The following C8orf34 variants were observed in gnomAD, a reference collection of about 807,000 sequenced individuals.
C8orf34 encodes the protein uncharacterized protein C8orf34.
A neutral mutation model predicts 68.3 loss-of-function variants in C8orf34; 65 were observed. That is an observed-to-expected ratio of 0.95 (90% confidence interval 0.78 to 1.17). The LOEUF is 1.17. C8orf34 is among the 50% of genes most tolerant of loss of function. The probability of loss-of-function intolerance (pLI) is 0.00; values close to 1 mark genes in which losing one functional copy is unlikely to be tolerated. For synonymous variants in C8orf34, 244 were observed against 241.2 expected, an observed-to-expected ratio of 1.01 and a Z score of -0.11; for missense variants, 664 against 655.4, an observed-to-expected ratio of 1.01 and a Z score of -0.14.
intron 7 of C8orf34, among the ~76,000 whole-genome samples, chr8:68,572,969 A>G (rs1371852018): frequency 6.6e-6 from 1 of 152,092 alleles, no homozygotes; most frequent in African/African-American, 2.4e-5. Context: ...CAGCTCTTCA[A>G]ATACTTGAGT....
chr8:68,816,579 C>T (rs1449683685), intron 13 of C8orf34, among the ~76,000 whole-genome samples: 1 of 152,098 alleles, frequency 6.6e-6, no homozygotes, highest in African/African-American at 2.4e-5. Flanking sequence ...CTGCAATACC[C>T]CTACCAAATG....
At chr8:68,781,546 T>C (rs1823680329) in intron 11 of C8orf34, among the ~76,000 whole-genome samples, 1 of 152,218 alleles carries the variant, frequency 6.6e-6, no homozygotes, top group Non-Finnish European at 1.5e-5. Context: ...TATATCTGAA[T>C]AAGTTGGCAA....
intron 7 of C8orf34, chr8:68,533,574 A>G (rs1247468543): frequency 1.0e-6 from 1 of 986,050 alleles, no homozygotes; most frequent in African/African-American, 1.7e-5. Context: ...TTAGAAAAAT[A>G]GAATAAAGTT....
intron 1 of C8orf34, among the ~76,000 whole-genome samples, chr8:68,391,807 C>T (rs1325058724): frequency 9.9e-5 from 15 of 152,124 alleles, no homozygotes; most frequent in Non-Finnish European, 1.5e-4. Flanking sequence ...TATGACAGAT[C>T]GTGCTCTGGC....
chr8:68,533,935 A>C (rs59050152), intron 7 of C8orf34: 121,199 of 846,338 alleles, frequency 0.14, 9,575 homozygotes, highest in African/African-American at 0.3. Context: ...ACTTTATAAC[A>C]ATATGCTGTT....
At chr8:68,641,558 T>C (rs1255845662) in intron 8 of C8orf34, among the ~76,000 whole-genome samples, 2 of 152,182 alleles carry the variant, frequency 1.3e-5, no homozygotes, top group Non-Finnish European at 2.9e-5. Context: ...TATGTGATAA[T>C]ATTTAAGCAT....
intron 1 of C8orf34, among the ~76,000 whole-genome samples, chr8:68,333,034 T>C (rs1805697949): frequency 1.3e-5 from 2 of 152,180 alleles, no homozygotes; most frequent in Admixed American, 1.3e-4. Context: ...TCTACTCTCC[T>C]GGAGTATAAA....
intron 5 of C8orf34, among the ~76,000 whole-genome samples, chr8:68,489,223 A>G (rs2129631682): frequency 6.6e-6 from 1 of 152,326 alleles, no homozygotes; most frequent in East Asian, 1.9e-4. Context: ...TCAGATGTGT[A>G]GCTGGAAAGA....
chr8:68,658,501 C>T (rs1005636833), intron 8 of C8orf34, among the ~76,000 whole-genome samples: 5 of 152,092 alleles, frequency 3.3e-5, no homozygotes, highest in South Asian at 2.1e-4. Context: ...TTAATGTAAG[C>T]GCAGCAAAAT....
intron 10 of C8orf34, among the ~76,000 whole-genome samples, chr8:68,734,611 G>A (rs139712678): frequency 5.0e-4 from 76 of 152,182 alleles, no homozygotes; most frequent in Non-Finnish European, 9.9e-4. Flanking sequence ...CCACCTCATT[G>A]CCATTATTGT....
chr8:68,336,649 C>T (rs1805863556), intron 1 of C8orf34, among the ~76,000 whole-genome samples: 1 of 152,170 alleles, frequency 6.6e-6, no homozygotes, highest in Non-Finnish European at 1.5e-5. Flanking sequence ...ACTCTGTCTA[C>T]TGGAAGGGCC....
At chr8:68,650,498 G>A (rs1439143468) in intron 8 of C8orf34, among the ~76,000 whole-genome samples, 1 of 40,818 alleles carries the variant, frequency 2.4e-5, no homozygotes, top group Non-Finnish European at 4.7e-5. Context: ...TTTTTTTTTT[G>A]AGACGGAGTC....
chr8:68,439,258 T>A (rs757990389), intron 1 of C8orf34: 9 of 318,056 alleles, frequency 2.8e-5, no homozygotes, highest in Non-Finnish European at 4.6e-5. Flanking sequence ...AAAAACTAAA[T>A]AAATCTTGGT....
rs573613851 is a variant in C8orf34 at position 68,481,387 on chromosome 8, T to A, written c.737-6636T>A. Among the ~76,000 whole-genome samples, 9 of 152,092 alleles carry A rather than the reference T, an allele frequency of 5.9e-5. No homozygotes were observed. In the East Asian group the frequency reaches 1.4e-3, roughly 23 times the overall value. On this transcript the variant is annotated intron_variant, in intron 4 of 13. Transcript: ENST00000518698. ...GGCAGTGTGGAAGGGAAATGTGGGG[T>A]CAGAGCCCCCACACTGAGTCCCTAC... is the stretch of plus-strand genomic sequence containing the variant.
intron 5 of C8orf34, among the ~76,000 whole-genome samples, chr8:68,519,721 T>G (rs558482323): frequency 6.6e-6 from 1 of 152,160 alleles, no homozygotes; most frequent in African/African-American, 2.4e-5. Flanking sequence ...AAAATGGTCT[T>G]TCACCTGGGG....
intron 8 of C8orf34, among the ~76,000 whole-genome samples, chr8:68,681,322 A>T (rs1222803333): frequency 6.6e-6 from 1 of 152,196 alleles, no homozygotes; most frequent in African/African-American, 2.4e-5. Context: ...ATTATTTGGG[A>T]ACTGATAAAT....
rs557347186 is a variant in C8orf34 at position 68,331,237 on chromosome 8, C to G, written c.225C>G (p.Leu75=). The part of the protein sequence containing the change: ...VPSGGAQPRV[L]PALSSRSHLF... ...GCGGAGGCGCACAGCCGCGCGTTCT[C>G]CCTGCACTCTCTTCGCGGTCCCATC... is the stretch of plus-strand genomic sequence containing the variant. Residue 75 remains leucine, a synonymous_variant, in exon 1 of 14, where the codon CTC becomes CTG. Transcript: ENST00000518698. 5 of 1,536,130 alleles carry G rather than the reference C, an allele frequency of 3.3e-6. No individual in the cohort carries two copies. Among genetic ancestry groups the G allele is most frequent in the Admixed American group, 2.0e-5 (1 of 50,986 alleles).
intron 8 of C8orf34, chr8:68,695,589 G>T (rs1399108605): frequency 5.3e-5 from 8 of 152,120 alleles, no homozygotes; most frequent in African/African-American, 1.9e-4. Context: ...ATAGAACCAT[G>T]CATTTGGAAA....
rs1174746425 is a variant in C8orf34, at chr8:68,397,601, G to C, written c.328-41898G>C. On this transcript the variant is annotated intron_variant, in intron 1 of 13. Transcript: ENST00000518698. ...CAAAATATTATCATTGAACTTTTAG[G>C]TGGTTACCAATCTTGGTTATTATAA... Among the ~76,000 whole-genome samples the C allele has an allele frequency of 2.0e-5, 3 of 151,894 alleles. No homozygotes were observed. In the East Asian group the frequency reaches 5.8e-4, roughly 29 times the overall value.
Sources: gnomAD v4.1 joint callset for allele counts (sites outside exome capture counted in the v4.1 genomes callset) on GRCh38, gnomAD v4.1.1 for gene constraint, MANE v1.5 for transcripts, NCBI Gene and HGNC (gene_info 2026-07-23, HGNC 2026-07-21) for gene names.